Variants in ORC4 observed in about 807,000 individuals in gnomAD.
ORC4 encodes the protein origin recognition complex, subunit 4 homolog.
A neutral mutation model predicts 63.9 loss-of-function variants in ORC4; 55 were observed. The ratio of observed to expected loss-of-function variants is 0.86; its 90% CI spans 0.69 to 1.08. ORC4 has a LOEUF of 1.08. Among genes scored for constraint, ORC4 ranks in the 50% least tolerant of loss-of-function variants. The probability of loss-of-function intolerance (pLI) is 0.00; values close to 1 mark genes in which losing one functional copy is unlikely to be tolerated. For missense variants in ORC4, 511 were observed against 504.4 expected (o/e 1.01, Z -0.13); for synonymous variants, 150 against 168.5 (o/e 0.89, Z 0.85).
intron 1 of ORC4, among the ~76,000 whole-genome samples, chr2:147,981,604 G>A (rs918037237): frequency 1.3e-5 from 2 of 152,076 alleles, no homozygotes; most frequent in South Asian, 4.1e-4. Context: ...TGAGGTAACA[G>A]ATATATTAAT....
chr2:147,968,905 T>TA (rs1690050126), intron 4 of ORC4, among the ~76,000 whole-genome samples: 1 of 151,732 alleles, frequency 6.6e-6, no homozygotes, highest in Admixed American at 6.6e-5. Flanking sequence ...GATGAATGGA[T>TA]AAAGAATATG....
At chr2:147,987,039 T>G (rs1301245266) in intron 1 of ORC4, among the ~76,000 whole-genome samples, 1 of 150,190 alleles carries the variant, frequency 6.7e-6, no homozygotes, top group Non-Finnish European at 1.5e-5. Context: ...TTAAAACTAT[T>G]TTTTTTTTAG....
At chr2:147,954,487 G>A (rs992687711) in intron 7 of ORC4, among the ~76,000 whole-genome samples, 2 of 152,082 alleles carry the variant, frequency 1.3e-5, no homozygotes, top group East Asian at 1.9e-4. Context: ...AACACAATGC[G>A]AAGTATTTGT....
intron 5 of ORC4, 77 bp from the exon 6 acceptor site, chr2:147,958,460 G>C (rs1689390839): frequency 9.6e-7 from 1 of 1,045,060 alleles, no homozygotes. Context: ...TTCCAGTTAA[G>C]TAAATCTTCC....
At chr2:147,959,040 CTTTT>C (rs1248658071) in intron 4 of ORC4, among the ~76,000 whole-genome samples, 174 bp from the exon 5 acceptor site, 1 of 151,988 alleles carries the variant, frequency 6.6e-6, no homozygotes, top group Non-Finnish European at 1.5e-5. Context: ...ATATCTGACT[CTTTT>C]TAAGAAACAA....
intron 11 of ORC4, chr2:147,938,740 T>G (rs1297764005): frequency 6.0e-6 from 2 of 332,730 alleles, no homozygotes; most frequent in Non-Finnish European, 5.6e-6. Flanking sequence ...GCGTAGGATT[T>G]ATCTAGAGAC....
intron 11 of ORC4, chr2:147,938,619 T>C: frequency 2.0e-6 from 1 of 489,984 alleles, no homozygotes; most frequent in Non-Finnish European, 3.7e-6. Context: ...TTTTTAAACT[T>C]TTAGAAATGT....
chr2:147,968,225 C>T (rs1274988286), intron 4 of ORC4, among the ~76,000 whole-genome samples: 6 of 151,922 alleles, frequency 3.9e-5, no homozygotes. Context: ...CTTCAGGACA[C>T]TAGTCTAGGA....
At chr2:148,002,102 T>C (rs1306220366) in intron 1 of ORC4, among the ~76,000 whole-genome samples, 1 of 152,098 alleles carries the variant, frequency 6.6e-6, no homozygotes, top group Non-Finnish European at 1.5e-5. Flanking sequence ...GCACCCAGAT[T>C]CATAAAGCAA....
chr2:147,935,772 C>CAGGAG, intron 13 of ORC4, 74 bp from the exon 14 acceptor site: 1 of 1,316,992 alleles, frequency 7.6e-7, no homozygotes, highest in Non-Finnish European at 1.1e-6. Flanking sequence ...TCCCAGAGAA[C>CAGGAG]AGTTAGCATT....
intron 5 of ORC4, 116 bp downstream of exon 5, chr2:147,958,675 A>G (rs1317809181): frequency 1.0e-5 from 7 of 673,412 alleles, no homozygotes; most frequent in African/African-American, 7.2e-5. Flanking sequence ...GTGCTAAGTA[A>G]AACATGGATC....
At chr2:148,016,257 C>T (rs905410251) in intron 1 of ORC4, among the ~76,000 whole-genome samples, 5 of 152,078 alleles carry the variant, frequency 3.3e-5, no homozygotes, top group South Asian at 2.1e-4. Flanking sequence ...GGCTGGACCG[C>T]GAAGAAGCTC....
At chr2:147,963,164 C>A (rs1301223210) in intron 4 of ORC4, among the ~76,000 whole-genome samples, 1 of 152,146 alleles carries the variant, frequency 6.6e-6, no homozygotes, top group African/African-American at 2.4e-5. Context: ...ACGTCGCTAA[C>A]CTGAGAAGTA....
chr2:147,988,336 A>G (rs1216612591), intron 1 of ORC4, among the ~76,000 whole-genome samples: 6 of 151,806 alleles, frequency 4.0e-5, no homozygotes, highest in Admixed American at 3.9e-4. Flanking sequence ...GTTTGGAGAC[A>G]TTACTGAATC....
At chr2:147,993,882 T>C (rs1367429704) in intron 1 of ORC4, among the ~76,000 whole-genome samples, 1 of 152,238 alleles carries the variant, frequency 6.6e-6, no homozygotes, top group Non-Finnish European at 1.5e-5. Flanking sequence ...TGTTTTATTA[T>C]ATTTTTATCA....
intron 1 of ORC4, among the ~76,000 whole-genome samples, chr2:147,998,741 T>C (rs1372586164): frequency 6.6e-6 from 1 of 152,164 alleles, no homozygotes; most frequent in Admixed American, 6.6e-5. Context: ...TTCACACTAT[T>C]CTCAATTCCC....
chr2:147,976,035 T>G (rs1269774941), intron 1 of ORC4, 60 bp from the exon 2 acceptor site: 1 of 858,858 alleles, frequency 1.2e-6, no homozygotes, highest in Admixed American at 1.7e-5. Context: ...TACTTAAGAA[T>G]TTACTGTTCT....
chr2:147,935,489 A>G lies in ORC4; in HGVS notation c.*21T>C. On this transcript the variant is annotated 3_prime_UTR_variant, in exon 14 of 14. Transcript: ENST00000392857. The stretch of plus-strand genomic sequence containing the variant: ...TACAGAAGTATGAATGAAATGCCAA[A>G]GTTGAAGTCACTGGTTATATTCATA... The G allele has an allele frequency of 6.3e-7, 1 of 1,590,898 alleles. No individual in the cohort carries two copies. Among genetic ancestry groups the G allele is most frequent in the Non-Finnish European group, 8.6e-7 (1 of 1,159,066 alleles).
intron 1 of ORC4, among the ~76,000 whole-genome samples, chr2:148,018,320 A>C (rs1693439055): frequency 6.6e-6 from 1 of 152,240 alleles, no homozygotes; most frequent in Non-Finnish European, 1.5e-5. Flanking sequence ...TTGGTGAGAC[A>C]GTAAAAGTAA....
Sources: gnomAD v4.1 joint callset for allele counts (sites outside exome capture counted in the v4.1 genomes callset) on GRCh38, gnomAD v4.1.1 for gene constraint, MANE v1.5 for transcripts, NCBI Gene and HGNC (gene_info 2026-07-23, HGNC 2026-07-21) for gene names.